TSC1: variants seen among roughly 807,000 people sequenced by gnomAD.
The protein encoded by TSC1 is hamartin.
TSC1 carries 20 observed loss-of-function variants against 124.3 expected under a neutral mutation model. The observed-to-expected ratio is 0.16, with a 90% confidence interval of 0.11 to 0.23. The LOEUF (loss-of-function observed/expected upper bound fraction) is 0.23. TSC1 is among the 10% of genes least tolerant of loss of function. TSC1 has a pLI of 1.00. For synonymous variants in TSC1, 493 were observed against 539.1 expected, an observed-to-expected ratio of 0.91 and a Z score of 1.19; for missense variants, 1,124 against 1,448.5, an observed-to-expected ratio of 0.78 and a Z score of 3.64.
chr9:132,897,571 C>T lies in TSC1; in HGVS notation c.2665G>A (p.Glu889Lys), dbSNP rs775589156. ...MMKAAYRKEL[E>K]KNRSHVLQQT... Reference sequence around the variant, plus strand: ...TGGAGAACATGGCTTCTGTTTTTTTCTAGCTCTTTCCGATAGGCGGCTTTC... The same window carrying T: ...TGGAGAACATGGCTTCTGTTTTTTTTTAGCTCTTTCCGATAGGCGGCTTTC... Residue 889 changes from glutamate (E) to lysine (K), a missense_variant, in exon 21 of 23, where the codon GAA (glutamate) becomes AAA (lysine). This residue lies in a region of TSC1 where 325 missense variants were observed against 383.4 expected (regional missense o/e 0.85). Coordinates refer to ENST00000298552, the MANE Select transcript of TSC1 (RefSeq NM_000368.5). 70 of 1,516,326 alleles carry T rather than the reference C, an allele frequency of 4.6e-5. No homozygotes were observed. Among genetic ancestry groups the T allele is most frequent in the Non-Finnish European group, 6.2e-5 (70 of 1,129,774 alleles). The allele number at this position is 1,516,326 out of a possible 1,614,324, so 93.9% of individuals were successfully genotyped here.
intron 2 of TSC1, chr9:132,931,470 T>C (rs1847200001): frequency 6.6e-6 from 1 of 152,212 alleles, no homozygotes; most frequent in African/African-American, 2.4e-5. Context: ...AGTTTTTCTC[T>C]CTGGTTCCAA....
At chr9:132,932,179 C>T (rs957962957) in intron 2 of TSC1, among the ~76,000 whole-genome samples, 1 of 152,208 alleles carries the variant, frequency 6.6e-6, no homozygotes, top group Non-Finnish European at 1.5e-5. Flanking sequence ...ATACAGTGCA[C>T]AGTACAGTGC....
At chr9:132,917,612 G>A (rs1052100419) in intron 8 of TSC1, among the ~76,000 whole-genome samples, 1 of 152,098 alleles carries the variant, frequency 6.6e-6, no homozygotes, top group Non-Finnish European at 1.5e-5. Flanking sequence ...GATTACAGGC[G>A]TGAGCCACTG....
Position 132,896,349 on chromosome 9 carries a change from C to T in TSC1, c.3381G>A (p.Val1127=), listed in dbSNP as rs773586317. The T allele has an allele frequency of 2.5e-6, 4 of 1,614,180 alleles. No individual in the cohort carries two copies. In the East Asian group the frequency reaches 8.9e-5, roughly 36 times the overall value. ...CTAGGTTCAGGGGAATCTTGGCTTC[C>T]ACACCCAAGTCTTTGCCCAGTTCTG... ...LKTELGKDLG[V]EAKIPLNLDG... is the part of the protein sequence containing the mutation. Residue 1127 remains valine (V), a synonymous_variant, in exon 23 of 23, where the codon GTG becomes GTA. Coordinates refer to ENST00000298552, the MANE Select transcript of TSC1 (RefSeq NM_000368.5). This position sits in a 1 kb window ranked among gnomAD's most constrained non-coding sequence, Gnocchi z 4.5.
At chr9:132,914,673 A>G (rs1394618591) in intron 8 of TSC1, among the ~76,000 whole-genome samples, 1 of 149,530 alleles carries the variant, frequency 6.7e-6, no homozygotes, top group African/African-American at 2.5e-5. Flanking sequence ...CATGGGCAAC[A>G]TGGCAAAACC....
At chr9:132,942,264 G>A (rs1279233356) in intron 1 of TSC1, 1 of 152,232 alleles carries the variant, frequency 6.6e-6, no homozygotes, top group African/African-American at 2.4e-5. Context: ...CTTGAAGCCA[G>A]TGGTCCTCAA....
rs113219060 is a variant in TSC1, at chr9:132,938,076, T to TA, written c.-143-2982dup. Among the ~76,000 whole-genome samples the TA allele has an allele frequency of 4.1e-3, 628 of 152,334 alleles. 4 individuals carry two copies. Among genetic ancestry groups the TA allele is most frequent in the African/African-American group, 0.014 (591 of 41,580 alleles). The stretch of plus-strand genomic sequence containing the variant: ...ACTTTTAATTTCTTTATTACTGCAC[T>TA]AAAAATGATAATGGTACTAAATTGG... On this transcript the variant is annotated intron_variant, in intron 1 of 22. Coordinates refer to ENST00000298552, the MANE Select transcript of TSC1 (RefSeq NM_000368.5).
chr9:132,900,481 C>T, intron 20 of TSC1: 5 of 556,656 alleles, frequency 9.0e-6, no homozygotes, highest in Non-Finnish European at 1.3e-5. Context: ...TACTCTCTAC[C>T]AACTACCATT....
At chr9:132,922,203 T>C (rs370001215) in intron 6 of TSC1, among the ~76,000 whole-genome samples, 80 of 152,360 alleles carry the variant, frequency 5.3e-4, no homozygotes, top group African/African-American at 1.8e-3. Flanking sequence ...AATTCCAGTC[T>C]ACTAGTATGA....
upstream of TSC1, chr9:132,945,276 C>T (rs1482918662): frequency 6.6e-6 from 1 of 152,256 alleles, no homozygotes; most frequent in Non-Finnish European, 1.5e-5. Flanking sequence ...CGGGGGACCC[C>T]CCTGGCTTCT....
Position 132,923,611 on chromosome 9 carries a change from C to T in TSC1, c.364-119G>A, listed in dbSNP as rs148460071. The T allele has an allele frequency of 2.8e-4, 393 of 1,394,664 alleles. 2 individuals carry two copies. The African/African-American group carries it at 4.6e-3, about 16-fold the overall frequency. 86.4% of individuals were successfully genotyped at this position (1,394,664 alleles called of 1,614,324 possible). ...GAATCACAAATCACAAGTTGACTCA[C>T]GTACTCATTTCCCTATCCCTAAGGA... is the stretch of plus-strand genomic sequence containing the variant. On this transcript the variant is annotated intron_variant, in intron 5 of 22. Coordinates refer to ENST00000298552, the MANE Select transcript of TSC1 (RefSeq NM_000368.5). The surrounding 1 kb of genome is among the most constrained non-coding windows in gnomAD (Gnocchi z 4.2).
At chr9:132,935,573 C>T (rs886878515) in intron 1 of TSC1, among the ~76,000 whole-genome samples, 6 of 152,244 alleles carry the variant, frequency 3.9e-5, no homozygotes, top group Admixed American at 3.3e-4. Context: ...CGGCACAGCA[C>T]GGGGCACACC....
At position 132,911,150 on chromosome 9, in the gene TSC1, G is replaced by A. The variant is rs779307175; in HGVS notation, c.1030-37C>T. On this transcript the variant is annotated intron_variant, in intron 10 of 22. Transcript: ENST00000298552. Reference sequence around the variant, plus strand: ...ATAAAGTACATCAGCAGTGGCAAAGGAATGCTAAGTCATCCACGAGGTTTA... The same window carrying A: ...ATAAAGTACATCAGCAGTGGCAAAGAAATGCTAAGTCATCCACGAGGTTTA... 3.9e-6 allele frequency: 6 copies of A among 1,519,918 alleles called. No individual in the cohort carries two copies. In the African/African-American group the frequency reaches 4.1e-5, roughly 10 times the overall value. The allele number at this position is 1,519,918 out of a possible 1,614,324, so 94.2% of individuals were successfully genotyped here.
chr9:132,907,401 G>A (rs2131884318), intron 12 of TSC1, 31 bp from the exon 13 acceptor site: 1 of 1,566,522 alleles, frequency 6.4e-7, no homozygotes. Flanking sequence ...TATATCACAA[G>A]ACGAAAAATG....
At position 132,901,717 on chromosome 9, in the gene TSC1, G is replaced by T. The variant is rs979543376; in HGVS notation, c.2392-18C>A. 1 of 1,612,596 alleles carries T rather than the reference G, an allele frequency of 6.2e-7. No individual in the cohort carries two copies. The highest frequency in any genetic ancestry group is 8.5e-7 in the Non-Finnish European group (1 of 1,179,354). The stretch of plus-strand genomic sequence containing the variant: ...AGCTTCGTCTGCCCAAAGAGACGTG[G>T]ACATGAAGTTTGAGGAACACCAACA... On this transcript the variant is annotated intron_variant, in intron 18 of 22. Coordinates refer to ENST00000298552, the MANE Select transcript of TSC1 (RefSeq NM_000368.5).
In TSC1 at chr9:132,894,708, A is replaced by G. The variant is rs1446598224; in HGVS notation, c.*1527T>C. On this transcript the variant is annotated 3_prime_UTR_variant, in exon 23 of 23. Coordinates refer to ENST00000298552, the MANE Select transcript of TSC1 (RefSeq NM_000368.5). ...ATTGCCATGCTAAAAAAAAAAAAAA[A>G]AAAAAAAGACTTTCATTCTCTCTGC... is the stretch of plus-strand genomic sequence containing the variant. The G allele has an allele frequency of 2.5e-5, 5 of 197,172 alleles. No individual in the cohort carries two copies. In the East Asian group the frequency reaches 3.9e-4, roughly 15 times the overall value. 12.2% of individuals were successfully genotyped at this position (197,172 alleles called of 1,614,324 possible).
intron 10 of TSC1, 85 bp from the exon 11 acceptor site, chr9:132,911,198 T>A: frequency 1.7e-6 from 2 of 1,155,902 alleles, no homozygotes; most frequent in Non-Finnish European, 2.6e-6. Context: ...GTGTTCAGCT[T>A]AAATTTAGCT....
intron 8 of TSC1, among the ~76,000 whole-genome samples, chr9:132,914,295 TCAGCA>T (rs1363739953): frequency 6.6e-6 from 1 of 152,112 alleles, no homozygotes. Flanking sequence ...ACAACAATGT[TCAGCA>T]CAGCACAGCT....
In TSC1 at chr9:132,911,926, T is replaced by C. The variant is rs1295452664; in HGVS notation, c.913+356A>G. On this transcript the variant is annotated intron_variant, in intron 9 of 22. Coordinates refer to ENST00000298552, the MANE Select transcript of TSC1 (RefSeq NM_000368.5). ...CTAAATTGTTCCGACTCATTCAAAC[T>C]GTGTCAGTGCTACAGACACAAGAGC... is the stretch of plus-strand genomic sequence containing the variant. Among the ~76,000 whole-genome samples, 7 of 152,348 alleles carry C rather than the reference T, an allele frequency of 4.6e-5. No homozygotes were observed. In the East Asian group the frequency reaches 1.3e-3, roughly 29 times the overall value.
Sources: allele counts gnomAD v4.1 joint callset (sites outside exome capture counted in the v4.1 genomes callset), GRCh38; gene constraint gnomAD v4.1.1; regional missense constraint gnomAD v4.1.1; non-coding constraint Gnocchi (gnomAD v3.1); transcripts MANE v1.5; gene names NCBI Gene and HGNC (gene_info 2026-07-23, HGNC 2026-07-21).